NCALD: variants seen among roughly 807,000 people sequenced by gnomAD.
NCALD encodes the protein neurocalcin-delta.
In NCALD, 10 loss-of-function variants were observed where a neutral mutation model predicts 18.6. The observed-to-expected ratio is 0.54, with a 90% CI of 0.33 to 0.91. The LOEUF is 0.91. Ranked by LOEUF, NCALD falls within the 40% of genes least tolerant of loss-of-function variation. The pLI is 0.03. For synonymous variants in NCALD, 88 were observed against 87.4 expected (o/e 1.01, Z -0.04); for missense variants, 184 against 247.6 (o/e 0.74, Z 1.72).
At chr8:101,707,302 T>C (rs1044424378) in intron 2 of NCALD, among the ~76,000 whole-genome samples, 1 of 152,180 alleles carries the variant, frequency 6.6e-6, no homozygotes, top group Non-Finnish European at 1.5e-5. Flanking sequence ...TGATCCTCTG[T>C]GGCAGAACTA....
intron 2 of NCALD, among the ~76,000 whole-genome samples, chr8:102,009,385 AC>A (rs1333002676): frequency 6.6e-6 from 1 of 152,256 alleles, no homozygotes; most frequent in Non-Finnish European, 1.5e-5. Flanking sequence ...TTGCCTGTGC[AC>A]AAAGTGGACC....
At chr8:102,054,714 A>G (rs541736325) in intron 1 of NCALD, among the ~76,000 whole-genome samples, 108 of 108,912 alleles carry the variant, frequency 9.9e-4, no homozygotes, top group Admixed American at 2.9e-3. Context: ...AGATAGATAG[A>G]TAGATATCCT....
intron 2 of NCALD, among the ~76,000 whole-genome samples, chr8:101,955,481 G>T (rs79699927): frequency 7.4e-4 from 113 of 152,182 alleles, no homozygotes; most frequent in African/African-American, 2.6e-3. Flanking sequence ...GAGACATCTG[G>T]GGTCTAAAAT....
intron 1 of NCALD, among the ~76,000 whole-genome samples, chr8:102,082,533 C>CA: frequency 6.6e-6 from 1 of 152,132 alleles, no homozygotes. Context: ...CGGCCACCTC[C>CA]AACTCCCATT....
At chr8:101,698,349 C>T (rs913638739) in intron 2 of NCALD, among the ~76,000 whole-genome samples, 3 of 152,162 alleles carry the variant, frequency 2.0e-5, no homozygotes, top group Non-Finnish European at 4.4e-5. Flanking sequence ...GTGAAAATGG[C>T]CATACTGCCC....
At chr8:101,813,455 G>A (rs544844095) in intron 4 of NCALD, among the ~76,000 whole-genome samples, 1 of 152,204 alleles carries the variant, frequency 6.6e-6, no homozygotes, top group South Asian at 2.1e-4. Context: ...GTATCAAGGA[G>A]GTAACTGAGT....
chr8:101,695,643 C>G (rs1814956901), intron 2 of NCALD, among the ~76,000 whole-genome samples: 1 of 152,078 alleles, frequency 6.6e-6, no homozygotes, highest in South Asian at 2.1e-4. Flanking sequence ...ATCATCTTCC[C>G]TTCTTCTATT....
intron 4 of NCALD, among the ~76,000 whole-genome samples, chr8:101,842,127 A>G (rs932717824): frequency 2.0e-5 from 3 of 152,118 alleles, no homozygotes; most frequent in African/African-American, 4.8e-5. Flanking sequence ...GTGTCTTCAC[A>G]TGGTCTTCCC....
intron 1 of NCALD, among the ~76,000 whole-genome samples, chr8:101,747,058 A>T (rs1300044682): frequency 6.6e-6 from 1 of 152,190 alleles, no homozygotes; most frequent in African/African-American, 2.4e-5. Flanking sequence ...ATCCAGTATA[A>T]GTGGTTCCAA....
At chr8:101,827,797 C>A (rs1012732795) in intron 4 of NCALD, among the ~76,000 whole-genome samples, 9 of 152,212 alleles carry the variant, frequency 5.9e-5, no homozygotes, top group African/African-American at 2.2e-4. Context: ...CTCTTAATAA[C>A]CCACAATCAA....
intron 3 of NCALD, among the ~76,000 whole-genome samples, chr8:101,892,963 C>A (rs1207586812): frequency 6.7e-6 from 1 of 149,274 alleles, no homozygotes; most frequent in Admixed American, 6.6e-5. Context: ...AGGAGAACTT[C>A]CCCAATCTAG....
chr8:102,104,603 C>G (rs565769114), intron 1 of NCALD, among the ~76,000 whole-genome samples: 3 of 152,220 alleles, frequency 2.0e-5, no homozygotes, highest in African/African-American at 7.2e-5. Context: ...GTCTGCTTTT[C>G]CTGGGCCCCA....
chr8:101,693,316 GCGTTTTTTTTTTTTTTTTTTT>G (rs1321713825), intron 2 of NCALD: 3 of 118,840 alleles, frequency 2.5e-5, no homozygotes, highest in Non-Finnish European at 3.5e-5. Context: ...ACCACACAGG[GCGTTTTTTTTTTTTTTTTTTT>G]TTTTTTTTTT....
At chr8:101,804,472 GATT>G (rs564333642) in intron 4 of NCALD, among the ~76,000 whole-genome samples, 2,258 of 116,496 alleles carry the variant, frequency 0.019, 143 homozygotes, top group African/African-American at 0.087. Context: ...ATATAACAAA[GATT>G]ATTATATAAT....
intron 3 of NCALD, among the ~76,000 whole-genome samples, chr8:101,900,083 A>G (rs1817365073): frequency 6.6e-6 from 1 of 151,908 alleles, no homozygotes; most frequent in Non-Finnish European, 1.5e-5. Flanking sequence ...TTTATATTGT[A>G]TGAATTGTGG....
At chr8:101,905,681 C>T (rs1022607673) in intron 3 of NCALD, among the ~76,000 whole-genome samples, 1 of 152,210 alleles carries the variant, frequency 6.6e-6, no homozygotes, top group Non-Finnish European at 1.5e-5. Flanking sequence ...GCCACTCCCT[C>T]GATAAAGGAA....
chr8:101,924,369 G>A (rs1454929205), intron 2 of NCALD, among the ~76,000 whole-genome samples: 1 of 152,120 alleles, frequency 6.6e-6, no homozygotes, highest in Non-Finnish European at 1.5e-5. Flanking sequence ...TCATTGAGCG[G>A]CACAGTATAT....
intron 1 of NCALD, among the ~76,000 whole-genome samples, chr8:102,040,175 T>G (rs1823000107): frequency 6.6e-6 from 1 of 152,196 alleles, no homozygotes; most frequent in African/African-American, 2.4e-5. Flanking sequence ...TTTATTGCTA[T>G]TTTTATCAAT....
chr8:101,917,923 T>G (rs1818028513), intron 2 of NCALD, among the ~76,000 whole-genome samples: 1 of 152,008 alleles, frequency 6.6e-6, no homozygotes, highest in South Asian at 2.1e-4. Context: ...GGTACCAATT[T>G]TATTGAAACT....
Sources: allele counts gnomAD v4.1 joint callset (sites outside exome capture counted in the v4.1 genomes callset), GRCh38; gene constraint gnomAD v4.1.1; transcripts MANE v1.5; gene names NCBI Gene and HGNC (gene_info 2026-07-23, HGNC 2026-07-21).